The following LTN1 variants were observed in gnomAD, a reference collection of about 807,000 sequenced individuals.
LTN1 encodes the protein E3 ubiquitin-protein ligase listerin.
LTN1 carries 88 observed loss-of-function variants against 201.2 expected under a neutral mutation model. The ratio of observed to expected loss-of-function variants is 0.44; its 90% CI spans 0.37 to 0.52. The LOEUF (loss-of-function observed/expected upper bound fraction) is 0.52, where lower values mean the gene tolerates loss of function less well. Among genes scored for constraint, LTN1 ranks in the 20% least tolerant of loss-of-function variants. The pLI is 0.00. For synonymous variants in LTN1, 645 were observed against 713.5 expected (o/e 0.90, Z 1.53); for missense variants, 1,752 against 2,038.7 (o/e 0.86, Z 2.71).
chr21:28,960,165 G>C (rs1264529364), intron 12 of LTN1, among the ~76,000 whole-genome samples: 1 of 152,010 alleles, frequency 6.6e-6, no homozygotes, highest in South Asian at 2.1e-4. Flanking sequence ...TGAGGAGTTC[G>C]AGACCAGCCT....
intron 12 of LTN1, 88 bp downstream of exon 12, chr21:28,960,429 A>G (rs2084466976): frequency 9.7e-7 from 1 of 1,031,906 alleles, no homozygotes; most frequent in Admixed American, 2.6e-5. Flanking sequence ...TTTTTAACCA[A>G]TAACACATAA....
At chr21:28,971,552 T>A in intron 6 of LTN1, 108 bp from the exon 7 acceptor site, 1 of 921,824 alleles carries the variant, frequency 1.1e-6, no homozygotes, top group Non-Finnish European at 1.6e-6. Context: ...CTAAGAAAAC[T>A]AAAATAGCTA....
At chr21:28,965,007 G>A (rs1188871427) in intron 11 of LTN1, among the ~76,000 whole-genome samples, 3 of 152,118 alleles carry the variant, frequency 2.0e-5, no homozygotes, top group Non-Finnish European at 2.9e-5. Flanking sequence ...AAAATGGGGA[G>A]TTACTGTTTA....
At position 28,984,918 on chromosome 21, in the gene LTN1, T is replaced by C. The variant is rs773041090; in HGVS notation, c.350A>G (p.His117Arg). ...PRIFCKISLD[H>R]DRRVREATQQ... is the part of the protein sequence containing the mutation. Reference sequence around the variant, plus strand: ...TGTGGCTTCTCGGACGCGACGGTCATGATCCTATTAAAAATATAAATGTGA... The same window carrying C: ...TGTGGCTTCTCGGACGCGACGGTCACGATCCTATTAAAAATATAAATGTGA... Residue 117 changes from histidine to arginine, a missense_variant, in exon 4 of 30, where the codon CAT becomes CGT. Physicochemically the swap from His to Arg is conservative, Grantham distance 29 (BLOSUM62 0). Coordinates refer to ENST00000361371, the MANE Select transcript of LTN1 (RefSeq NM_015565.3). 2.5e-6 allele frequency: 4 copies of C among 1,607,572 alleles called. No individual in the cohort carries two copies. The highest frequency in any genetic ancestry group is 8.5e-7 in the Non-Finnish European group (1 of 1,176,400).
rs561578976 is a variant in LTN1, at chr21:28,964,092, A to G, written c.2163+1773T>C. On this transcript the variant is annotated intron_variant, in intron 11 of 29. Transcript: ENST00000361371. ...CGTGAACATTGTTGACATGACCACA[A>G]AGGATTTATAATATTACATAAACTT... Among the ~76,000 whole-genome samples, 4 of 152,334 alleles carry G rather than the reference A, an allele frequency of 2.6e-5. No individual in the cohort carries two copies. In the South Asian group the frequency reaches 8.3e-4, roughly 32 times the overall value.
rs574729013 is a variant in LTN1, at chr21:28,971,289, A to G, written c.966T>C (p.Tyr322=). 1.2e-6 allele frequency: 2 copies of G among 1,613,862 alleles called. No homozygotes were observed. The highest frequency in any genetic ancestry group is 2.7e-5 in the African/African-American group (2 of 75,034). The change falls in exon 7 of 30, where the codon TAT becomes TAC. Residue 322 remains tyrosine, a synonymous_variant. Coordinates refer to ENST00000361371, the MANE Select transcript of LTN1 (RefSeq NM_015565.3). Reference sequence around the variant, plus strand: ...TACATACCTCAATAGTTGTAAGTGTATAGAGTACAGCTTCCCAGAGAGCTG... The same window carrying G: ...TACATACCTCAATAGTTGTAAGTGTGTAGAGTACAGCTTCCCAGAGAGCTG... The part of the protein sequence containing the change: ...VCPALWEAVL[Y]TLTTIEDCWL...
At chr21:28,985,495 T>A in intron 3 of LTN1, among the ~76,000 whole-genome samples, 1 of 149,808 alleles carries the variant, frequency 6.7e-6, no homozygotes, top group African/African-American at 2.5e-5. Context: ...GGGTCTTCAA[T>A]AATTAAGCAA....
intron 18 of LTN1, among the ~76,000 whole-genome samples, chr21:28,950,488 A>G (rs959069457): frequency 7.2e-5 from 11 of 152,198 alleles, no homozygotes; most frequent in African/African-American, 2.4e-4. Context: ...AAAAAGTTAC[A>G]TACAGTATGA....
intron 1 of LTN1, 49 bp downstream of exon 1, chr21:28,992,715 G>T: frequency 6.2e-7 from 1 of 1,607,818 alleles, no homozygotes. Flanking sequence ...GGCGGAGCCA[G>T]CCGCCTCGAA....
chr21:28,988,738 G>A (rs1320554535), intron 1 of LTN1, among the ~76,000 whole-genome samples: 1 of 151,862 alleles, frequency 6.6e-6, no homozygotes, highest in South Asian at 2.1e-4. Context: ...AGGCTGAGGA[G>A]GGAGATCACC....
chr21:28,992,123 G>A (rs958581256), intron 1 of LTN1, among the ~76,000 whole-genome samples: 5 of 152,180 alleles, frequency 3.3e-5, no homozygotes, highest in Admixed American at 6.5e-5. Flanking sequence ...CTACCAAGAG[G>A]GTGATCATGG....
At chr21:28,937,804 A>T (rs1412106152) in intron 25 of LTN1, among the ~76,000 whole-genome samples, 1 of 152,156 alleles carries the variant, frequency 6.6e-6, no homozygotes, top group Non-Finnish European at 1.5e-5. Flanking sequence ...AAAATATTCC[A>T]GAATCTGAAA....
intron 11 of LTN1, chr21:28,964,507 T>C: frequency 7.1e-7 from 1 of 1,410,550 alleles, no homozygotes. Flanking sequence ...ACACATAACT[T>C]TTATATGCAC....
At chr21:28,954,467 T>C (rs2084408574) in intron 16 of LTN1, among the ~76,000 whole-genome samples, 1 of 152,138 alleles carries the variant, frequency 6.6e-6, no homozygotes. Context: ...TAAGTCCTCT[T>C]AGGGTTCAAC....
intron 11 of LTN1, among the ~76,000 whole-genome samples, chr21:28,963,261 C>T (rs967653942): frequency 1.3e-5 from 2 of 152,200 alleles, no homozygotes; most frequent in African/African-American, 4.8e-5. Flanking sequence ...GAAGTCAATG[C>T]CTGGCTTCCA....
In LTN1 at chr21:28,943,792, T is replaced by C; in HGVS notation, c.4095A>G (p.Ala1365=). 1 of 1,613,762 alleles carries C rather than the reference T, an allele frequency of 6.2e-7. No homozygotes were observed. Among genetic ancestry groups the C allele is most frequent in the Non-Finnish European group, 8.5e-7 (1 of 1,179,756 alleles). The change falls in exon 23 of 30, where the codon GCA becomes GCG. Residue 1365 remains alanine, a synonymous_variant. Transcript: ENST00000361371. ...KEQLLSHKLP[A]RLVADQKTNL... ...TTGTTTTTTGGTCAGCAACTAATCT[T>C]GCAGGAAGTTTGTGACTCAATAGCT...
Position 28,986,580 on chromosome 21 carries a change from C to G in LTN1, c.246+151G>C. On this transcript the variant is annotated intron_variant, in intron 2 of 29. Coordinates refer to ENST00000361371, the MANE Select transcript of LTN1 (RefSeq NM_015565.3). This position sits in a 1 kb window ranked among gnomAD's most constrained non-coding sequence, Gnocchi z 4.1. ...TTACGACCTAGAAAATAAATATCAA[C>G]TAAGTTTAAGACTCTGTGTCAGAAA... 1 of 673,352 alleles carries G rather than the reference C, an allele frequency of 1.5e-6. No homozygotes were observed. Among genetic ancestry groups the G allele is most frequent in the Non-Finnish European group, 2.5e-6 (1 of 400,090 alleles). 41.7% of individuals were successfully genotyped at this position (673,352 alleles called of 1,614,324 possible). A position where few individuals can be genotyped will look rare whatever the true frequency, so the allele number is the denominator to read the frequency against.
chr21:28,969,796 T>G (rs1343799485), intron 8 of LTN1, among the ~76,000 whole-genome samples, 195 bp from the exon 9 acceptor site: 1 of 152,130 alleles, frequency 6.6e-6, no homozygotes, highest in Non-Finnish European at 1.5e-5. Context: ...TTGAAAAAGT[T>G]TTTCAAAAAA....
In LTN1 at chr21:28,951,532, T is replaced by C. The variant is rs188617733; in HGVS notation, c.3344+628A>G. On this transcript the variant is annotated intron_variant, in intron 18 of 29. Coordinates refer to ENST00000361371, the MANE Select transcript of LTN1 (RefSeq NM_015565.3). ...CAAATAAAGTGATGGAAAAAGAGTATTAGGAAAGGGCAAAAGAAAAGATTT... is the reference window on the plus strand; with the variant it reads ...CAAATAAAGTGATGGAAAAAGAGTACTAGGAAAGGGCAAAAGAAAAGATTT... 2.0e-3 allele frequency among the ~76,000 whole-genome samples: 298 copies of C among 152,054 alleles called. 3 individuals carry two copies. Among genetic ancestry groups the C allele is most frequent in the African/African-American group, 7.0e-3 (291 of 41,458 alleles).
Sources: allele counts gnomAD v4.1 joint callset (sites outside exome capture counted in the v4.1 genomes callset), GRCh38; gene constraint gnomAD v4.1.1; non-coding constraint Gnocchi (gnomAD v3.1); transcripts MANE v1.5; gene names NCBI Gene and HGNC (gene_info 2026-07-23, HGNC 2026-07-21).